The following C20orf96 variants were observed in gnomAD, a reference collection of about 807,000 sequenced individuals.
C20orf96 encodes chromosome 20 open reading frame 96, also known as uncharacterized protein C20orf96.
In C20orf96, 57 loss-of-function variants were observed where a neutral mutation model predicts 52.6. The observed-to-expected ratio is 1.08, with a 90% CI of 0.88 to 1.35. C20orf96 has a LOEUF of 1.35. C20orf96 is among the 40% of genes most tolerant of loss of function. The pLI is 0.00. For missense variants in C20orf96, 478 were observed against 443.6 expected, an observed-to-expected ratio of 1.08 and a Z score of -0.70; for synonymous variants, 168 against 157.2, an observed-to-expected ratio of 1.07 and a Z score of -0.51.
intron 5 of C20orf96, 34 bp downstream of exon 5, chr20:279,128 TTGGGACGGAG>T: frequency 1.1e-6 from 1 of 880,174 alleles, no homozygotes; most frequent in African/African-American, 6.2e-5. Flanking sequence ...GGGACGGAGG[TTGGGACGGAG>T]GGACGGAGGG....
rs1334863318 is a variant in C20orf96, at chr20:289,412, TA to T, written c.187+146del. The T allele has an allele frequency of 1.3e-5, 8 of 637,146 alleles. 1 individual carries two copies. The highest frequency in any genetic ancestry group is 8.8e-5 in the South Asian group (5 of 56,518). 39.5% of individuals were successfully genotyped at this position (637,146 alleles called of 1,614,324 possible). A position where few individuals can be genotyped will look rare whatever the true frequency, so the allele number is the denominator to read the frequency against. ...AATGTACTGTGGCATAAATGAGATA[TA>T]AACTTCTATATCAATACTTGCAATT... On this transcript the variant is annotated intron_variant, in intron 3 of 10. Coordinates refer to ENST00000360321, the MANE Select transcript of C20orf96 (RefSeq NM_153269.3).
chr20:271,433 TA>T (rs996837812), intron 10 of C20orf96, among the ~76,000 whole-genome samples, 166 bp from the exon 11 acceptor site: 81 of 142,820 alleles, frequency 5.7e-4, no homozygotes, highest in African/African-American at 2.3e-3. Context: ...CAACTGTGCA[TA>T]CACAAGCATA....
At chr20:274,050 G>A (rs573518359) in intron 10 of C20orf96, among the ~76,000 whole-genome samples, 157 of 147,252 alleles carry the variant, frequency 1.1e-3, no homozygotes, top group African/African-American at 3.3e-3. Flanking sequence ...AGGAAAGAAA[G>A]AAAAGAAAAG....
chr20:290,538 G>A, intron 1 of C20orf96, 53 bp downstream of exon 1: 1 of 1,588,132 alleles, frequency 6.3e-7, no homozygotes, highest in Non-Finnish European at 8.6e-7. Context: ...TGTGAAGTAC[G>A]CATGCGTATT....
intron 10 of C20orf96, among the ~76,000 whole-genome samples, chr20:274,148 A>T (rs1292401359): frequency 1.3e-5 from 2 of 151,912 alleles, no homozygotes; most frequent in Non-Finnish European, 2.9e-5. Context: ...TTTCCTGGGC[A>T]TGTTCCAGTT....
Position 277,354 on chromosome 20 carries a change from C to T in C20orf96, c.595G>A (p.Ala199Thr). The T allele has an allele frequency of 6.2e-7, 1 of 1,614,042 alleles. No individual in the cohort carries two copies. Among genetic ancestry groups the T allele is most frequent in the East Asian group, 2.2e-5 (1 of 44,870 alleles). ...YLEQQAEQLN[A>T]KIEKTQEEVN... ...TCCTCCTGGGTCTTCTCAATCTTGG[C>T]ATTCAGCTGCTCTGCCTGCTGCTCA... The change falls in exon 7 of 11, where the codon GCC becomes ACC. Residue 199 changes from alanine to threonine, a missense_variant. Ala to Thr is a moderately conservative substitution (Grantham distance 58). Coordinates refer to ENST00000360321, the MANE Select transcript of C20orf96 (RefSeq NM_153269.3).
At chr20:287,128 C>A (rs146165650) in intron 3 of C20orf96, among the ~76,000 whole-genome samples, 1 of 152,210 alleles carries the variant, frequency 6.6e-6, no homozygotes, top group East Asian at 1.9e-4. Flanking sequence ...TGAACATTCA[C>A]ATACTGGCTT....
Position 270,991 on chromosome 20 carries a change from G to GA in C20orf96, c.*215dup. 1.9e-6 allele frequency: 1 copy of GA among 524,786 alleles called. No homozygotes were observed. Among genetic ancestry groups the GA allele is most frequent in the Non-Finnish European group, 3.4e-6 (1 of 298,128 alleles). The allele number at this position is 524,786 out of a possible 1,614,324, so 32.5% of individuals were successfully genotyped here. On this transcript the variant is annotated 3_prime_UTR_variant, in exon 11 of 11. Transcript: ENST00000360321. ...GAAAAAACCACAGGAAGAAAGAAAG[G>GA]AGGGAGGGAGGGAGAGGAGGAAGGA...
chr20:289,769 C>T (rs1164542098), intron 2 of C20orf96, 93 bp from the exon 3 acceptor site: 6 of 999,144 alleles, frequency 6.0e-6, no homozygotes, highest in Admixed American at 3.6e-5. Flanking sequence ...AGTGACTTGA[C>T]CTCTCCTGAG....
rs73572420 is a variant in C20orf96 at position 278,831 on chromosome 20, C to G, written c.465+341G>C. Among the ~76,000 whole-genome samples the G allele has an allele frequency of 3.4e-3, 477 of 141,372 alleles. 4 individuals carry two copies. Among genetic ancestry groups the G allele is most frequent in the African/African-American group, 0.012 (457 of 37,176 alleles). The allele number at this position is 141,372 out of a possible 152,430, so 92.7% of individuals were successfully genotyped here. A position where few individuals can be genotyped will look rare whatever the true frequency, so the allele number is the denominator to read the frequency against. On this transcript the variant is annotated intron_variant, in intron 5 of 10. Coordinates refer to ENST00000360321, the MANE Select transcript of C20orf96 (RefSeq NM_153269.3). ...ACCCATCTCGGTCCTCTTGCAAAGC[C>G]CAGGTGAGGGGAGTGAAGGGTGAAG...
At chr20:271,324 C>A in intron 10 of C20orf96, 57 bp from the exon 11 acceptor site, 3 of 1,414,374 alleles carry the variant, frequency 2.1e-6, no homozygotes, top group Non-Finnish European at 2.9e-6. Context: ...TGTGGGAGCA[C>A]CCACTCAGAG....
chr20:289,723 A>G (rs1449120064), intron 2 of C20orf96, 47 bp from the exon 3 acceptor site: 17 of 1,449,882 alleles, frequency 1.2e-5, no homozygotes, highest in Non-Finnish European at 1.6e-5. Flanking sequence ...TTTATATCCC[A>G]GCTCTACCCT....
chr20:279,129 T>TGGGACGGAGGGACGGAGGGAGGGC (rs746002326), intron 5 of C20orf96, 43 bp downstream of exon 5: 2 of 875,856 alleles, frequency 2.3e-6, no homozygotes, highest in African/African-American at 6.3e-5. Context: ...GGACGGAGGT[T>TGGGACGGAGGGACGGAGGGAGGGC]GGGACGGAGG....
rs541296329 is a variant in C20orf96 at position 276,210 on chromosome 20, C to T, written c.913-124G>A. 24 of 1,547,426 alleles carry T rather than the reference C, an allele frequency of 1.6e-5. No individual in the cohort carries two copies. In the African/African-American group the frequency reaches 3.1e-4, roughly 20 times the overall value. ...AATGGTATGGGTTCTGTCACTGGGA[C>T]TTGCTGGACTCCAGGGAGGGGACTT... is the stretch of plus-strand genomic sequence containing the variant. On this transcript the variant is annotated intron_variant, in intron 9 of 10. Coordinates refer to ENST00000360321, the MANE Select transcript of C20orf96 (RefSeq NM_153269.3).
intron 4 of C20orf96, among the ~76,000 whole-genome samples, chr20:282,034 T>G (rs1460499087): frequency 1.3e-5 from 2 of 152,184 alleles, no homozygotes; most frequent in South Asian, 2.1e-4. Context: ...AGCAGAGCTG[T>G]CATCCTTGAA....
At chr20:279,826 C>T (rs1022758531) in intron 4 of C20orf96, among the ~76,000 whole-genome samples, 3 of 152,024 alleles carry the variant, frequency 2.0e-5, no homozygotes, top group Non-Finnish European at 4.4e-5. Flanking sequence ...AAAAATTAGC[C>T]GAGCGTGGTG....
At chr20:290,564 T>TA in intron 1 of C20orf96, 27 bp downstream of exon 1, 3 of 530,648 alleles carry the variant, frequency 5.7e-6, no homozygotes, top group South Asian at 6.9e-5. Flanking sequence ...TTTCTTCCAA[T>TA]TTTTTTTTTT....
chr20:288,242 T>C (rs995975791), intron 3 of C20orf96, among the ~76,000 whole-genome samples: 1 of 141,624 alleles, frequency 7.1e-6, no homozygotes, highest in African/African-American at 2.6e-5. Flanking sequence ...TGGAAAAGGC[T>C]TTCTTCCTCC....
chr20:271,404 T>A (rs913723887), intron 10 of C20orf96, 137 bp from the exon 11 acceptor site: 12 of 633,600 alleles, frequency 1.9e-5, no homozygotes, highest in African/African-American at 5.6e-5. Flanking sequence ...ATCTGTGATC[T>A]ATCTGTGACC....
Sources: gnomAD v4.1 joint callset for allele counts (sites outside exome capture counted in the v4.1 genomes callset) on GRCh38, gnomAD v4.1.1 for gene constraint, MANE v1.5 for transcripts, NCBI Gene and HGNC (gene_info 2026-07-23, HGNC 2026-07-21) for gene names.